FN1: variants seen among roughly 807,000 people sequenced by gnomAD.
FN1 encodes the protein fibronectin.
A neutral mutation model predicts 297.3 loss-of-function variants in FN1; 106 were observed. The ratio of observed to expected loss-of-function variants is 0.36; its 90% CI spans 0.30 to 0.42. FN1 has a LOEUF of 0.42. Among genes scored for constraint, FN1 ranks in the 10% least tolerant of loss-of-function variants. The probability of loss-of-function intolerance (pLI) is 1.00; values close to 1 mark genes in which losing one functional copy is unlikely to be tolerated. For missense variants in FN1, 2,690 were observed against 3,124.9 expected (o/e 0.86, Z 3.32); for synonymous variants, 1,149 against 1,152.6 (o/e 1.00, Z 0.06).
At chr2:215,370,735 C>G (rs2055845397) in intron 40 of FN1, among the ~76,000 whole-genome samples, 1 of 152,044 alleles carries the variant, frequency 6.6e-6, no homozygotes, top group Non-Finnish European at 1.5e-5. Flanking sequence ...GCTTCAGTCG[C>G]AGGTCTGCAT....
chr2:215,379,806 C>T (rs962323391), intron 33 of FN1: 18 of 163,002 alleles, frequency 1.1e-4, no homozygotes, highest in Admixed American at 1.1e-3. Flanking sequence ...TGATCCTCTA[C>T]CTCAGCCTCT....
intron 20 of FN1, among the ~76,000 whole-genome samples, chr2:215,400,751 C>CAAAAAAAAAAAAAAAAAAAAAAA (rs1175226865): frequency 1.8e-5 from 1 of 56,218 alleles, no homozygotes; most frequent in Admixed American, 3.0e-4. Context: ...GGCTCCATCT[C>CAAAAAAAAAAAAAAAAAAAAAAA]AAAAAAAAAA....
At position 215,375,670 on chromosome 2, in the gene FN1, T is replaced by C. The variant is rs768401151; in HGVS notation, c.5936A>G (p.Asp1979Gly). Residue 1979 changes from aspartate (D) to glycine (G), a missense_variant, in exon 37 of 46, where the codon GAC (aspartate) becomes GGC (glycine). Physicochemically the swap from Asp to Gly is moderately conservative, Grantham distance 94. Coordinates refer to ENST00000354785, the MANE Select transcript of FN1 (RefSeq NM_212482.4). ...GACCACAGGGGAGCTCCGAGCATTG[T>C]CATTCAAGGTGTACAGGTAGATCTT... ...DYKIYLYTLN[D>G]NARSSPVVID... 6.2e-7 allele frequency: 1 copy of C among 1,613,626 alleles called. No individual in the cohort carries two copies. Among genetic ancestry groups the C allele is most frequent in the Non-Finnish European group, 8.5e-7 (1 of 1,179,506 alleles).
At position 215,420,744 on chromosome 2, in the gene FN1, T is replaced by C. The variant is rs1419490657; in HGVS notation, c.1604A>G (p.His535Arg). ...ACAGTTCAGCATGTGCCCCTCTTCA[T>C]GACGCTTGTGGAATGTGTCGTTCAC... ...YNVNDTFHKR[H>R]EEGHMLNCTC... Residue 535 changes from histidine to arginine, a missense_variant, in exon 11 of 46, where the codon CAT becomes CGT. This residue lies in a region of FN1 where 876 missense variants were observed against 1,058.1 expected (regional missense o/e 0.83). Transcript: ENST00000354785. 4.3e-6 allele frequency: 7 copies of C among 1,614,140 alleles called. No homozygotes were observed. Among genetic ancestry groups the C allele is most frequent in the Non-Finnish European group, 5.9e-6 (7 of 1,179,968 alleles).
chr2:215,401,253 A>AGGAAGGAAG (rs1158255590), intron 20 of FN1, among the ~76,000 whole-genome samples: 29 of 24,308 alleles, frequency 1.2e-3, no homozygotes, highest in Non-Finnish European at 2.4e-3. Context: ...AAAGAAAGGA[A>AGGAAGGAAG]GAAAGAAAGG....
intron 5 of FN1, among the ~76,000 whole-genome samples, chr2:215,429,090 G>C (rs1401506689): frequency 6.6e-6 from 1 of 152,128 alleles, no homozygotes; most frequent in Non-Finnish European, 1.5e-5. Context: ...AGGCAAGCAG[G>C]TATCAAAGGG....
chr2:215,397,100 T>C (rs376761713), intron 23 of FN1, 37 bp downstream of exon 23: 171 of 1,231,634 alleles, frequency 1.4e-4, no homozygotes, highest in Non-Finnish European at 1.9e-4. Context: ...TGGGAAGGTA[T>C]GGTGTATACT....
At chr2:215,400,840 G>A (rs1429062564) in intron 20 of FN1, among the ~76,000 whole-genome samples, 1 of 149,246 alleles carries the variant, frequency 6.7e-6, no homozygotes, top group African/African-American at 2.5e-5. Flanking sequence ...CTGTCACCCA[G>A]GCTGGAGTGC....
intron 31 of FN1, 54 bp from the exon 32 acceptor site, chr2:215,382,379 C>A: frequency 8.7e-7 from 1 of 1,153,792 alleles, no homozygotes; most frequent in Non-Finnish European, 1.3e-6. Flanking sequence ...CTATAAAGTC[C>A]TCAAGTGGCG....
intron 27 of FN1, among the ~76,000 whole-genome samples, chr2:215,387,760 C>T (rs2059207965): frequency 6.6e-6 from 1 of 152,120 alleles, no homozygotes; most frequent in African/African-American, 2.4e-5. Context: ...AAATTAAAAG[C>T]ATTCATATTT....
chr2:215,398,796 G>A (rs541230031), intron 21 of FN1, among the ~76,000 whole-genome samples: 1 of 152,282 alleles, frequency 6.6e-6, no homozygotes, highest in African/African-American at 2.4e-5. Flanking sequence ...TCTATTAAGA[G>A]ATTCACCCTC....
At chr2:215,364,380 G>GAA (rs2054120856) in intron 44 of FN1, 1 of 218,756 alleles carries the variant, frequency 4.6e-6, no homozygotes, top group African/African-American at 2.3e-5. Flanking sequence ...GAGCTACACT[G>GAA]CACTTAACAC....
In FN1 at chr2:215,404,499, A is replaced by G. The variant is rs1433400331; in HGVS notation, c.3143T>C (p.Val1048Ala). Reference protein sequence around the residue: ...QPRQYNVGPSVSKYPLRNLQP... With the variant: ...QPRQYNVGPSASKYPLRNLQP... ...CAGATTCCTCAGTGGGTACTTGGAG[A>G]CAGAGGGACCCACATTGTACTGCCT... The change falls in exon 20 of 46, where the codon GTC becomes GCC. Residue 1048 changes from valine to alanine, a missense_variant. This residue lies in a region of FN1 where 1,743 missense variants were observed against 1,945.2 expected (regional missense o/e 0.90). Coordinates refer to ENST00000354785, the MANE Select transcript of FN1 (RefSeq NM_212482.4). 2 of 1,614,034 alleles carry G rather than the reference A, an allele frequency of 1.2e-6. No individual in the cohort carries two copies. Among genetic ancestry groups the G allele is most frequent in the Admixed American group, 3.3e-5 (2 of 60,004 alleles).
At chr2:215,376,471 T>G in intron 36 of FN1, 27 bp downstream of exon 36, 1 of 1,603,222 alleles carries the variant, frequency 6.2e-7, no homozygotes. Flanking sequence ...TGTTAACAAA[T>G]GTGGTTAGTG....
chr2:215,414,208 G>T (rs1268602381), intron 13 of FN1, among the ~76,000 whole-genome samples: 1 of 152,120 alleles, frequency 6.6e-6, no homozygotes, highest in Non-Finnish European at 1.5e-5. Flanking sequence ...AGAAACTAAA[G>T]CTAAATTGAC....
chr2:215,417,159 T>C (rs2063541557), intron 12 of FN1, among the ~76,000 whole-genome samples: 3 of 152,228 alleles, frequency 2.0e-5, no homozygotes. Flanking sequence ...ATTTAAACTT[T>C]TGACAGTCCT....
In FN1 at chr2:215,384,147, C is replaced by T. The variant is rs760159996; in HGVS notation, c.4767G>A (p.Gly1589=). 8 of 1,614,116 alleles carry T rather than the reference C, an allele frequency of 5.0e-6. No individual in the cohort carries two copies. Among genetic ancestry groups the T allele is most frequent in the Non-Finnish European group, 6.8e-6 (8 of 1,180,010 alleles). The change falls in exon 30 of 46, where the codon GGG becomes GGA. Residue 1589 remains glycine, a synonymous_variant. Coordinates refer to ENST00000354785, the MANE Select transcript of FN1 (RefSeq NM_212482.4). ...CGCTGATGGTAGCTGTAGACTTGCT[C>T]CCAGGCACAGTGAACTCCTGGACAG... ...NSPVQEFTVP[G]SKSTATISGL...
chr2:215,365,657 A>G, intron 42 of FN1, 27 bp from the exon 43 acceptor site: 1 of 1,612,598 alleles, frequency 6.2e-7, no homozygotes, highest in Non-Finnish European at 8.5e-7. Context: ...AGTCAGGACC[A>G]AAAAGTTATT....
chr2:215,404,583 G>C lies in FN1; in HGVS notation c.3059C>G (p.Pro1020Arg). Residue 1020 changes from proline to arginine, a missense_variant, in exon 20 of 46, where the codon CCT becomes CGT. Pro to Arg is a moderately radical substitution (Grantham distance 103). Transcript: ENST00000354785. ...DSTVLVRWTP[P>R]RAQITGYRLT... ...TCGGTATCCTGTTATCTGGGCCCGA[G>C]GTGGAGTCCATCTCACCAGGACAGT... 1 of 1,613,990 alleles carries C rather than the reference G, an allele frequency of 6.2e-7. No individual in the cohort carries two copies. Among genetic ancestry groups the C allele is most frequent in the South Asian group, 1.1e-5 (1 of 91,074 alleles).
Sources: allele counts gnomAD v4.1 joint callset (sites outside exome capture counted in the v4.1 genomes callset), GRCh38; gene constraint gnomAD v4.1.1; regional missense constraint gnomAD v4.1.1; transcripts MANE v1.5; gene names NCBI Gene and HGNC (gene_info 2026-07-23, HGNC 2026-07-21).